Variants in NTRK3 observed in about 807,000 individuals in gnomAD.
The protein encoded by NTRK3 is NT-3 growth factor receptor.
A neutral mutation model predicts 91.7 loss-of-function variants in NTRK3; 24 were observed. The ratio of observed to expected loss-of-function variants is 0.26; its 90% CI spans 0.19 to 0.37. NTRK3 has a LOEUF of 0.37. NTRK3 is among the 10% of genes least tolerant of loss of function. The pLI, the probability that NTRK3 is intolerant of heterozygous loss-of-function variation, is 1.00. For missense variants in NTRK3, 880 were observed against 1,068.9 expected (o/e 0.82, Z 2.46); for synonymous variants, 483 against 404.0 (o/e 1.20, Z -2.34).
chr15:88,034,503 G>C (rs1423653066), intron 13 of NTRK3, among the ~76,000 whole-genome samples: 2 of 152,260 alleles, frequency 1.3e-5, no homozygotes, highest in African/African-American at 4.8e-5. Context: ...AGCTGTGACT[G>C]TTTGTGGCTT....
chr15:88,077,465 C>A (rs2047650902), intron 13 of NTRK3, among the ~76,000 whole-genome samples: 3 of 152,064 alleles, frequency 2.0e-5, no homozygotes, highest in Admixed American at 6.5e-5. Context: ...CTCCACGCCT[C>A]CCCATGGGAG....
intron 14 of NTRK3, among the ~76,000 whole-genome samples, chr15:87,980,421 G>A (rs1158627645): frequency 6.6e-6 from 1 of 152,134 alleles, no homozygotes; most frequent in African/African-American, 2.4e-5. Flanking sequence ...GTGTTTGTGT[G>A]CATCTGTATG....
At chr15:88,215,128 A>G (rs915114210) in intron 3 of NTRK3, among the ~76,000 whole-genome samples, 3 of 152,244 alleles carry the variant, frequency 2.0e-5, no homozygotes, top group African/African-American at 7.2e-5. Context: ...CTGGCACACC[A>G]TAAGCACTGT....
intron 13 of NTRK3, 106 bp from the exon 14 acceptor site, chr15:88,033,151 CTTTTTT>C: frequency 1.5e-6 from 1 of 686,990 alleles, no homozygotes. Context: ...CAAACATTTT[CTTTTTT>C]TTACTTTTGG....
intron 14 of NTRK3, among the ~76,000 whole-genome samples, chr15:87,966,366 C>G (rs1596448079): frequency 6.6e-6 from 1 of 152,210 alleles, no homozygotes; most frequent in Non-Finnish European, 1.5e-5. Flanking sequence ...CCTGAAGGAC[C>G]AGGTGACTTC....
intron 13 of NTRK3, among the ~76,000 whole-genome samples, chr15:88,067,118 G>A (rs1401714324): frequency 3.9e-5 from 6 of 152,182 alleles, no homozygotes; most frequent in Non-Finnish European, 7.3e-5. Flanking sequence ...AAGTATGCAA[G>A]CTGCCTGTGT....
At chr15:88,153,827 G>T (rs2043627362) in intron 5 of NTRK3, among the ~76,000 whole-genome samples, 1 of 151,860 alleles carries the variant, frequency 6.6e-6, no homozygotes, top group Admixed American at 6.6e-5. Context: ...ATTCATGAGG[G>T]CTCTGCCCCC....
At position 88,116,926 on chromosome 15, in the gene NTRK3, C is replaced by T. The variant is rs113786322; in HGVS notation, c.1396+9345G>A. 8.0e-3 allele frequency among the ~76,000 whole-genome samples: 1,221 copies of T among 152,330 alleles called. 19 individuals carry two copies. The highest frequency in any genetic ancestry group is 0.027 in the African/African-American group (1,139 of 41,572). On this transcript the variant is annotated intron_variant, in intron 13 of 18. Transcript: ENST00000394480. ...GGGTAAACCCTAGGCAACTGCACAT[C>T]GAACAAGCTCCCAGCATTATCAGAT...
intron 5 of NTRK3, among the ~76,000 whole-genome samples, chr15:88,149,400 C>T (rs1309808370): frequency 6.6e-6 from 1 of 152,150 alleles, no homozygotes; most frequent in African/African-American, 2.4e-5. Flanking sequence ...TACCCAGTAC[C>T]CTCTCTGTTC....
rs753111047 is a variant in NTRK3 at position 88,051,581 on chromosome 15, C to T, written c.1397-18536G>A. 7.2e-5 allele frequency among the ~76,000 whole-genome samples: 11 copies of T among 152,344 alleles called. No homozygotes were observed. The South Asian group carries it at 2.3e-3, about 32-fold the overall frequency. ...TGCCATCTTGGTCATGCCTCTTAAA[C>T]TAAGTATTTGTTTCCTTATCTATAA... is the stretch of plus-strand genomic sequence containing the variant. On this transcript the variant is annotated intron_variant, in intron 13 of 18. Coordinates refer to ENST00000394480, the Ensembl canonical transcript of NTRK3.
chr15:88,010,765 C>T (rs2076825019), intron 14 of NTRK3, among the ~76,000 whole-genome samples: 1 of 151,966 alleles, frequency 6.6e-6, no homozygotes, highest in Admixed American at 6.6e-5. Flanking sequence ...CACACACACA[C>T]ACAAAATCAA....
intron 14 of NTRK3, among the ~76,000 whole-genome samples, chr15:87,945,830 C>T (rs1320654758): frequency 8.7e-6 from 1 of 115,036 alleles, no homozygotes; most frequent in Non-Finnish European, 1.9e-5. Context: ...AAAAAAAAAA[C>T]AGATCTCTAT....
At chr15:88,142,221 C>T (rs112461575) in intron 6 of NTRK3, among the ~76,000 whole-genome samples, 1 of 152,306 alleles carries the variant, frequency 6.6e-6, no homozygotes, top group South Asian at 2.1e-4. Flanking sequence ...AGCAGGGGAG[C>T]CTTTAGCCAG....
chr15:88,096,273 G>C (rs79627060), intron 13 of NTRK3, among the ~76,000 whole-genome samples: 36 of 152,226 alleles, frequency 2.4e-4, no homozygotes, highest in African/African-American at 8.2e-4. Context: ...TACATCCAGA[G>C]AGCCCCCAGC....
intron 13 of NTRK3, among the ~76,000 whole-genome samples, chr15:88,081,046 GA>G (rs1216557428): frequency 6.6e-6 from 1 of 152,226 alleles, no homozygotes; most frequent in Non-Finnish European, 1.5e-5. Context: ...GCTGGAAGGG[GA>G]ATTCTTAAAC....
intron 13 of NTRK3, among the ~76,000 whole-genome samples, chr15:88,112,106 CA>C (rs2051460587): frequency 6.6e-6 from 1 of 152,072 alleles, no homozygotes; most frequent in Admixed American, 6.5e-5. Flanking sequence ...CAGGGTTTCA[CA>C]ATGTTAGCCA....
At chr15:88,202,408 CAT>C (rs958486480) in intron 3 of NTRK3, among the ~76,000 whole-genome samples, 6 of 152,228 alleles carry the variant, frequency 3.9e-5, no homozygotes, top group African/African-American at 1.4e-4. Flanking sequence ...AGTGTGAAGT[CAT>C]AGTTGGCAGC....
At chr15:87,915,148 C>T (rs754092010) in intron 17 of NTRK3, among the ~76,000 whole-genome samples, 1 of 151,996 alleles carries the variant, frequency 6.6e-6, no homozygotes, top group Non-Finnish European at 1.5e-5. Context: ...GCACTCAAAC[C>T]AACAGTTTAC....
chr15:88,143,216 G>C (rs1025856696), intron 6 of NTRK3, among the ~76,000 whole-genome samples: 5 of 152,134 alleles, frequency 3.3e-5, no homozygotes, highest in African/African-American at 1.2e-4. Context: ...GAGTGAGACT[G>C]TCTCAAAAAT....
Sources: gnomAD v4.1 joint callset for allele counts (sites outside exome capture counted in the v4.1 genomes callset) on GRCh38, gnomAD v4.1.1 for gene constraint, MANE v1.5 for transcripts, NCBI Gene and HGNC (gene_info 2026-07-23, HGNC 2026-07-21) for gene names.